Variants in TUSC3 observed in about 807,000 individuals in gnomAD.
The protein encoded by TUSC3 is dolichyl-diphosphooligosaccharide--protein glycosyltransferase subunit TUSC3.
In TUSC3, 45 loss-of-function variants were observed where a neutral mutation model predicts 44.8. That is an observed-to-expected ratio of 1.00 (90% confidence interval 0.79 to 1.29). The LOEUF (loss-of-function observed/expected upper bound fraction) is 1.29. Ranked by LOEUF, TUSC3 falls within the 50% of genes most tolerant of loss-of-function variation. The pLI is 0.00. For missense variants in TUSC3, 519 were observed against 437.9 expected (o/e 1.19, Z -1.65); for synonymous variants, 212 against 152.9 (o/e 1.39, Z -2.85).
chr8:15,547,300 G>A (rs1801903100), intron 1 of TUSC3, among the ~76,000 whole-genome samples: 2 of 151,556 alleles, frequency 1.3e-5, no homozygotes, highest in Admixed American at 1.3e-4. Flanking sequence ...GGTTGTCATT[G>A]TGATTTGACT....
chr8:15,788,478 C>T, the TUSC3 span, among the ~76,000 whole-genome samples: 70 of 143,154 alleles, frequency 4.9e-4, 1 homozygote, highest in Middle Eastern at 3.6e-3. Flanking sequence ...ACCCAGGAGG[C>T]GGAGGTTGCA....
chr8:15,469,378 A>G (rs374054270), intron 1 of TUSC3, among the ~76,000 whole-genome samples: 59 of 152,372 alleles, frequency 3.9e-4, no homozygotes, highest in South Asian at 1.0e-3. Context: ...GAAGATATAC[A>G]GATGGCAAAT....
At chr8:15,697,737 T>A (rs1457535973) in intron 6 of TUSC3, among the ~76,000 whole-genome samples, 17 of 152,222 alleles carry the variant, frequency 1.1e-4, no homozygotes, top group Admixed American at 1.1e-3. Flanking sequence ...TATGTATTTG[T>A]AAAATGTAAA....
At chr8:15,567,477 A>G (rs1209589001) in intron 1 of TUSC3, among the ~76,000 whole-genome samples, 1 of 152,200 alleles carries the variant, frequency 6.6e-6, no homozygotes, top group East Asian at 1.9e-4. Flanking sequence ...AGTAGCAAAC[A>G]TTTTCACATA....
chr8:15,621,274 A>G (rs569100440), intron 1 of TUSC3, among the ~76,000 whole-genome samples: 94 of 151,758 alleles, frequency 6.2e-4, no homozygotes, highest in African/African-American at 2.1e-3. Context: ...GGAGACTTTA[A>G]AACTTATTAA....
chr8:15,595,894 A>G (rs146044268), intron 1 of TUSC3, among the ~76,000 whole-genome samples: 1 of 152,212 alleles, frequency 6.6e-6, no homozygotes, highest in South Asian at 2.1e-4. Context: ...GACAGTCTTC[A>G]TAAGGTCCAG....
intron 2 of TUSC3, among the ~76,000 whole-genome samples, chr8:15,636,757 C>T (rs1806097192): frequency 6.6e-6 from 1 of 152,146 alleles, no homozygotes; most frequent in Non-Finnish European, 1.5e-5. Context: ...ACGAATGTTC[C>T]AGTGGGAGAT....
At chr8:15,810,079 C>A in the TUSC3 span, among the ~76,000 whole-genome samples, 2 of 152,042 alleles carry the variant, frequency 1.3e-5, no homozygotes, top group Non-Finnish European at 2.9e-5. Context: ...GGTAGCAAGC[C>A]GTAAACAATG....
Position 15,584,607 on chromosome 8 carries a change from C to A in TUSC3, c.139-38473C>A, listed in dbSNP as rs542962668. On this transcript the variant is annotated intron_variant, in intron 1 of 10. Transcript: ENST00000503731. ...TCTGAATGGTAAGAAATGGTAAAGG[C>A]TTCCTAGGTAATTGAGTCAATACAG... is the stretch of plus-strand genomic sequence containing the variant. 8.5e-5 allele frequency among the ~76,000 whole-genome samples: 13 copies of A among 152,054 alleles called. No homozygotes were observed. In the Middle Eastern group the frequency reaches 0.01, roughly 119 times the overall value.
chr8:15,453,432 T>A (rs144451635), intron 1 of TUSC3, among the ~76,000 whole-genome samples: 1 of 152,332 alleles, frequency 6.6e-6, no homozygotes, highest in African/African-American at 2.4e-5. Flanking sequence ...CCCCTTTTCT[T>A]GTCAGCATCT....
intron 1 of TUSC3, among the ~76,000 whole-genome samples, chr8:15,471,254 T>A (rs1800490290): frequency 6.6e-6 from 1 of 152,154 alleles, no homozygotes; most frequent in South Asian, 2.1e-4. Context: ...TATTTCAGTG[T>A]TTAGTAGTGG....
intron 8 of TUSC3, 93 bp downstream of exon 8, chr8:15,743,705 A>G: frequency 7.5e-7 from 1 of 1,335,994 alleles, no homozygotes; most frequent in Non-Finnish European, 1.1e-6. Flanking sequence ...TTTGTAAACA[A>G]ACTTCTAAAG....
chr8:15,599,552 T>C (rs1407542539), intron 1 of TUSC3, among the ~76,000 whole-genome samples: 1 of 151,762 alleles, frequency 6.6e-6, no homozygotes, highest in East Asian at 1.9e-4. Flanking sequence ...ATAGTAGTTT[T>C]ATAGTTTTGC....
intron 6 of TUSC3, among the ~76,000 whole-genome samples, chr8:15,687,886 T>G (rs1437521746): frequency 6.6e-6 from 1 of 152,244 alleles, no homozygotes; most frequent in Non-Finnish European, 1.5e-5. Flanking sequence ...TGTTTGTAAT[T>G]AAAACCACAT....
intron 5 of TUSC3, among the ~76,000 whole-genome samples, chr8:15,666,126 A>G (rs1807648624): frequency 6.6e-6 from 1 of 151,508 alleles, no homozygotes; most frequent in South Asian, 2.1e-4. Flanking sequence ...AACCAAAATG[A>G]GTTAAAATTG....
At chr8:15,802,846 A>C in the TUSC3 span, among the ~76,000 whole-genome samples, 1 of 152,140 alleles carries the variant, frequency 6.6e-6, no homozygotes, top group African/African-American at 2.4e-5. Flanking sequence ...TGTAGCAGAA[A>C]ATCACTAACT....
chr8:15,834,893 A>G, the TUSC3 span, among the ~76,000 whole-genome samples: 1 of 152,204 alleles, frequency 6.6e-6, no homozygotes, highest in Non-Finnish European at 1.5e-5. Context: ...AAACTTGCAT[A>G]TACAGAGAAC....
intron 1 of TUSC3, among the ~76,000 whole-genome samples, chr8:15,594,139 T>C (rs895370145): frequency 6.6e-6 from 1 of 152,240 alleles, no homozygotes; most frequent in Non-Finnish European, 1.5e-5. Context: ...CATAGTTCGC[T>C]GCAATTTTAA....
In TUSC3 at chr8:15,659,049, A is replaced by G. The variant is rs1042263624; in HGVS notation, c.427-458A>G. 4.3e-4 allele frequency among the ~76,000 whole-genome samples: 66 copies of G among 152,128 alleles called. 1 individual carries two copies. The highest frequency in any genetic ancestry group is 6.5e-4 in the African/African-American group (27 of 41,450). Reference sequence around the variant, plus strand: ...CTTTACATTTGTAATAGGGAATTCAATCTACTTATAACTTGTTGGAAATTA... The same window carrying G: ...CTTTACATTTGTAATAGGGAATTCAGTCTACTTATAACTTGTTGGAAATTA... On this transcript the variant is annotated intron_variant, in intron 3 of 10. Transcript: ENST00000503731.
Sources: allele counts gnomAD v4.1 joint callset (sites outside exome capture counted in the v4.1 genomes callset), GRCh38; gene constraint gnomAD v4.1.1; transcripts MANE v1.5; gene names NCBI Gene and HGNC (gene_info 2026-07-23, HGNC 2026-07-21).